KHSRP: variants seen among roughly 807,000 people sequenced by gnomAD.
KHSRP encodes far upstream element-binding protein 2.
KHSRP carries 13 observed loss-of-function variants against 94.9 expected under a neutral mutation model. The ratio of observed to expected loss-of-function variants is 0.14; its 90% CI spans 0.09 to 0.22. The LOEUF (loss-of-function observed/expected upper bound fraction) is 0.22, where lower values mean the gene tolerates loss of function less well. Among genes scored for constraint, KHSRP ranks in the 10% least tolerant of loss-of-function variants. The pLI is 1.00. For missense variants in KHSRP, 710 were observed against 1,010.0 expected (o/e 0.70, Z 4.03); for synonymous variants, 495 against 401.4 (o/e 1.23, Z -2.79).
rs141757137 is a variant in KHSRP at position 6,413,971 on chromosome 19, C to G, written c.*1053G>C. ...GCCCGGCATGCCCCCAAGTCCCCCC[C>G]ACCCTGCTTGCCGCGAGGGCTCCCC... On this transcript the variant is annotated 3_prime_UTR_variant, in exon 19 of 19. Transcript: ENST00000600480. 8.4e-5 allele frequency: 96 copies of G among 1,138,408 alleles called. No homozygotes were observed. The East Asian group carries it at 1.4e-3, about 17-fold the overall frequency. The allele number at this position is 1,138,408 out of a possible 1,614,324, so 70.5% of individuals were successfully genotyped here.
intron 1 of KHSRP, among the ~76,000 whole-genome samples, chr19:6,423,683 C>T (rs1049826288): frequency 1.3e-5 from 2 of 152,214 alleles, no homozygotes; most frequent in African/African-American, 4.8e-5. Context: ...AGTCTCTAGC[C>T]CCGGAGGCAT....
rs1048749170 is a variant in KHSRP at position 6,418,418 on chromosome 19, C to T, written c.879+65G>A. 11 of 1,181,766 alleles carry T rather than the reference C, an allele frequency of 9.3e-6. No homozygotes were observed. Among genetic ancestry groups the T allele is most frequent in the South Asian group, 2.5e-5 (2 of 79,246 alleles). 73.2% of individuals were successfully genotyped at this position (1,181,766 alleles called of 1,614,324 possible). A position where few individuals can be genotyped will look rare whatever the true frequency, so the allele number is the denominator to read the frequency against. On this transcript the variant is annotated intron_variant, in intron 9 of 18. Transcript: ENST00000600480. The surrounding 1 kb of genome is among the most constrained non-coding windows in gnomAD (Gnocchi z 4.3). ...TCTGGCGGAATGCAGACCCCGAGAC[C>T]GCTGGCCCTGCCCACCTGCCCGTGC...
intron 1 of KHSRP, 104 bp from the exon 2 acceptor site, chr19:6,422,540 G>A: frequency 1.3e-6 from 1 of 799,704 alleles, no homozygotes; most frequent in Non-Finnish European, 2.1e-6. Flanking sequence ...AGCCCATCAG[G>A]TCTTGGTGTC....
intron 4 of KHSRP, 173 bp downstream of exon 4, chr19:6,421,105 C>A: frequency 1.6e-6 from 1 of 639,558 alleles, no homozygotes; most frequent in Non-Finnish European, 2.8e-6. Flanking sequence ...ACAAGGGGTA[C>A]GAGGAACGGA....
chr19:6,415,184 G>C lies in KHSRP; in HGVS notation c.2084C>G (p.Pro695Arg). 4 of 1,610,226 alleles carry C rather than the reference G, an allele frequency of 2.5e-6. No homozygotes were observed. Among genetic ancestry groups the C allele is most frequent in the Non-Finnish European group, 3.4e-6 (4 of 1,179,406 alleles). Residue 695 changes from proline to arginine, a missense_variant, in exon 19 of 19, where the codon CCT (proline) becomes CGT (arginine). Physicochemically the swap from Pro to Arg is moderately radical, Grantham distance 103. This residue lies in a region of KHSRP where 292 missense variants were observed against 340.5 expected (regional missense o/e 0.86). Transcript: ENST00000600480. ...CGTGGGCGGCGGCTGGGGGCCGCCA[G>C]GACCTGGGGTCTGTCCGTAGTAAGC... ...QAAYYGQTPGPGGPQPPPTQQ... is the reference protein window; with the variant it reads ...QAAYYGQTPGRGGPQPPPTQQ...
At chr19:6,416,951 G>GCATC in intron 12 of KHSRP, 36 bp downstream of exon 12, 3 of 1,613,300 alleles carry the variant, frequency 1.9e-6, no homozygotes, top group Non-Finnish European at 2.5e-6. Flanking sequence ...TCCCCTGGAG[G>GCATC]CCCTGCCAGC....
rs1481435320 is a variant in KHSRP at position 6,419,192 on chromosome 19, T to C, written c.605+11A>G. 3 of 1,577,440 alleles carry C rather than the reference T, an allele frequency of 1.9e-6. No homozygotes were observed. Among genetic ancestry groups the C allele is most frequent in the Non-Finnish European group, 2.6e-6 (3 of 1,161,646 alleles). ...CCCCACATCACAATGAGAGGCCCTG[T>C]GGGGACTTACTGGACAGATTCTGGG... On this transcript the variant is annotated intron_variant, in intron 7 of 18. Transcript: ENST00000600480.
At chr19:6,420,508 G>A (rs2092188816) in intron 4 of KHSRP, 37 bp from the exon 5 acceptor site, 2 of 1,596,780 alleles carry the variant, frequency 1.3e-6, no homozygotes, top group Non-Finnish European at 1.7e-6. Context: ...TCCTCAAGTG[G>A]GAAGGGAGGA....
chr19:6,417,757 G>T lies in KHSRP; in HGVS notation c.1063C>A (p.Arg355=), dbSNP rs1194469757. The T allele has an allele frequency of 2.5e-6, 4 of 1,613,736 alleles. No individual in the cohort carries two copies. Among genetic ancestry groups the T allele is most frequent in the Admixed American group, 1.7e-5 (1 of 60,014 alleles). ...CCCTGACCTTGCTTGAACTGTATCCGCACGCCAGCATCATTCTGGATCTTC... is the reference window on the plus strand; with the variant it reads ...CCCTGACCTTGCTTGAACTGTATCCTCACGCCAGCATCATTCTGGATCTTC... ...IKKIQNDAGV[R]IQFKQDDGTG... Residue 355 remains arginine (R), a synonymous_variant, in exon 11 of 19, where the codon CGG becomes AGG. Coordinates refer to ENST00000600480, the MANE Select transcript of KHSRP (RefSeq NM_001366299.1).
Position 6,418,456 on chromosome 19 carries a change from C to T in KHSRP, c.879+27G>A, listed in dbSNP as rs779717870. On this transcript the variant is annotated intron_variant, in intron 9 of 18. Transcript: ENST00000600480. The surrounding 1 kb of genome is among the most constrained non-coding windows in gnomAD (Gnocchi z 4.3). ...CACCTGCCCGTGCCTCTCCAGAACC[C>T]CCTCCACCACCCCAGGGCGTGCTCA... 1.9e-6 allele frequency: 3 copies of T among 1,584,368 alleles called. No individual in the cohort carries two copies. Among genetic ancestry groups the T allele is most frequent in the Non-Finnish European group, 2.6e-6 (3 of 1,155,342 alleles).
At position 6,418,127 on chromosome 19, in the gene KHSRP, A is replaced by G. The variant is rs952514750; in HGVS notation, c.880-48T>C. The G allele has an allele frequency of 6.5e-7, 1 of 1,540,142 alleles. No homozygotes were observed. Among genetic ancestry groups the G allele is most frequent in the East Asian group, 2.3e-5 (1 of 44,250 alleles). On this transcript the variant is annotated intron_variant, in intron 9 of 18. Transcript: ENST00000600480. This position sits in a 1 kb window ranked among gnomAD's most constrained non-coding sequence, Gnocchi z 4.3. ...CCCCATGGGTGAGCCCTGCTGCCCC[A>G]CACCCCCCCACCTCCTCGGGGGTGC...
At chr19:6,419,316 T>A in intron 6 of KHSRP, 56 bp from the exon 7 acceptor site, 1 of 1,478,842 alleles carries the variant, frequency 6.8e-7, no homozygotes, top group Non-Finnish European at 9.1e-7. Flanking sequence ...GAGAAAGGCC[T>A]GCCTTGGACA....
intron 1 of KHSRP, among the ~76,000 whole-genome samples, chr19:6,422,846 C>A (rs1260995669): frequency 6.6e-6 from 1 of 152,016 alleles, no homozygotes; most frequent in East Asian, 1.9e-4. Flanking sequence ...TTTTTTTTAG[C>A]CCCGTTTTCC....
Position 6,416,286 on chromosome 19 carries a change from G to C in KHSRP, c.1598+12C>G. 2 of 1,587,446 alleles carry C rather than the reference G, an allele frequency of 1.3e-6. No homozygotes were observed. The highest frequency in any genetic ancestry group is 3.3e-4 in the Middle Eastern group (2 of 5,990). On this transcript the variant is annotated intron_variant, in intron 15 of 18. Transcript: ENST00000600480. The stretch of plus-strand genomic sequence containing the variant: ...CCCCGGCCTCAAAACCCAGGAGGCA[G>C]AGGATACTCACTGTGGGGGAGCCCC...
chr19:6,421,165 TG>T, intron 4 of KHSRP, 112 bp downstream of exon 4: 2 of 973,116 alleles, frequency 2.1e-6, no homozygotes, highest in Non-Finnish European at 3.1e-6. Context: ...CAACTGGCAC[TG>T]GGGGATAAAA....
rs954733982 is a variant in KHSRP at position 6,420,325 on chromosome 19, G to C, written c.475+97C>G. The C allele has an allele frequency of 3.2e-5, 41 of 1,263,760 alleles. No homozygotes were observed. The South Asian group carries it at 5.1e-4, about 16-fold the overall frequency. The allele number at this position is 1,263,760 out of a possible 1,614,324, so 78.3% of individuals were successfully genotyped here. A position where few individuals can be genotyped will look rare whatever the true frequency, so the allele number is the denominator to read the frequency against. The stretch of plus-strand genomic sequence containing the variant: ...GGACAAATGAGAACAGCACATAGGA[G>C]CCCTCTCAGACCAGGGCTTCTGGGC... On this transcript the variant is annotated intron_variant, in intron 5 of 18. Coordinates refer to ENST00000600480, the MANE Select transcript of KHSRP (RefSeq NM_001366299.1).
In KHSRP at chr19:6,418,100, G is replaced by A. The variant is rs745647163; in HGVS notation, c.880-21C>T. The A allele has an allele frequency of 1.2e-6, 2 of 1,607,612 alleles. No individual in the cohort carries two copies. Among genetic ancestry groups the A allele is most frequent in the South Asian group, 1.1e-5 (1 of 90,854 alleles). ...GCTTGCTGCAAACACACAGGAAGCAGCCCCCATGGGTGAGCCCTGCTGCCC... is the reference window on the plus strand; with the variant it reads ...GCTTGCTGCAAACACACAGGAAGCAACCCCCATGGGTGAGCCCTGCTGCCC... On this transcript the variant is annotated intron_variant, in intron 9 of 18. Transcript: ENST00000600480. This position sits in a 1 kb window ranked among gnomAD's most constrained non-coding sequence, Gnocchi z 4.3.
rs369293348 is a variant in KHSRP at position 6,414,075 on chromosome 19, G to C, written c.*949C>G. On this transcript the variant is annotated 3_prime_UTR_variant, in exon 19 of 19. Coordinates refer to ENST00000600480, the MANE Select transcript of KHSRP (RefSeq NM_001366299.1). ...AACAGAACAAAATGGAAAAAAAAAA[G>C]ATTTTTCACAGATGAAGAAGTTCAC... The C allele has an allele frequency of 2.0e-6, 3 of 1,466,688 alleles. No individual in the cohort carries two copies. The highest frequency in any genetic ancestry group is 6.0e-5 in the East Asian group (2 of 33,548). 90.9% of individuals were successfully genotyped at this position (1,466,688 alleles called of 1,614,324 possible).
chr19:6,414,205 A>C lies in KHSRP; in HGVS notation c.*819T>G. ...GGGGCGGAAGAGAGGAGGGGCTGGA[A>C]CACCGTGGGGGGGGCCAGGAAGCCC... On this transcript the variant is annotated 3_prime_UTR_variant, in exon 19 of 19. Transcript: ENST00000600480. The C allele has an allele frequency of 6.6e-7, 1 of 1,519,430 alleles. No homozygotes were observed. Among genetic ancestry groups the C allele is most frequent in the Non-Finnish European group, 8.8e-7 (1 of 1,131,854 alleles). 94.1% of individuals were successfully genotyped at this position (1,519,430 alleles called of 1,614,324 possible).
Sources: allele counts gnomAD v4.1 joint callset (sites outside exome capture counted in the v4.1 genomes callset), GRCh38; gene constraint gnomAD v4.1.1; regional missense constraint gnomAD v4.1.1; non-coding constraint Gnocchi (gnomAD v3.1); transcripts MANE v1.5; gene names NCBI Gene and HGNC (gene_info 2026-07-23, HGNC 2026-07-21).